OTC: variants seen among roughly 807,000 people sequenced by gnomAD.
OTC encodes ornithine transcarbamylase.
A neutral mutation model predicts 30.3 loss-of-function variants in OTC; 3 were observed. The observed-to-expected ratio is 0.10, with a 90% CI of 0.05 to 0.26. OTC has a LOEUF of 0.26. Ranked by LOEUF, OTC falls within the 10% of genes least tolerant of loss-of-function variation. The pLI, the probability that OTC is intolerant of heterozygous loss-of-function variation, is 1.00. For synonymous variants in OTC, 111 were observed against 99.7 expected (o/e 1.11, Z -0.67); for missense variants, 194 against 260.3 (o/e 0.75, Z 1.75).
intron 4 of OTC, among the ~76,000 whole-genome samples, chrX:38,394,611 A>G (rs1218627141): frequency 2.7e-5 from 3 of 111,110 alleles, no homozygotes; most frequent in East Asian, 2.8e-4. Flanking sequence ...ACAGATTTCT[A>G]TTACTACCCC....
chrX:38,337,464 C>G, the OTC span, among the ~76,000 whole-genome samples: 2 of 111,812 alleles, frequency 1.8e-5, no homozygotes, highest in African/African-American at 6.5e-5. Flanking sequence ...AGTCTCTAAT[C>G]TTGTTCCTTC....
chrX:38,406,968 C>T (rs1379922569), intron 6 of OTC, among the ~76,000 whole-genome samples: 1 of 112,678 alleles, frequency 8.9e-6, no homozygotes, highest in African/African-American at 3.2e-5. Context: ...TAAACCTAGA[C>T]ATGCCTGTCA....
chrX:38,421,092 A>C lies in OTC; in HGVS notation c.*10A>C. 1 of 1,151,544 alleles carries C rather than the reference A, an allele frequency of 8.7e-7. No individual in the cohort carries two copies. Among genetic ancestry groups the C allele is most frequent in the Admixed American group, 2.2e-5 (1 of 45,935 alleles). The allele number at this position is 1,151,544 out of a possible 1,213,427, so 94.9% of individuals were successfully genotyped here. A position where few individuals can be genotyped will look rare whatever the true frequency, so the allele number is the denominator to read the frequency against. Reference sequence around the variant, plus strand: ...GAAGCCTAAATTTTGATGTTGTGTTACTTGTCAAGAAAGAAGCAATGTTCT... The same window carrying C: ...GAAGCCTAAATTTTGATGTTGTGTTCCTTGTCAAGAAAGAAGCAATGTTCT... On this transcript the variant is annotated 3_prime_UTR_variant, in exon 10 of 10. Coordinates refer to ENST00000039007, the MANE Select transcript of OTC (RefSeq NM_000531.6).
intron 4 of OTC, among the ~76,000 whole-genome samples, chrX:38,399,844 A>AT (rs1313727877): frequency 1.8e-5 from 2 of 111,442 alleles, no homozygotes; most frequent in East Asian, 5.6e-4. Context: ...CCAATATCAC[A>AT]TTTTTTTAAA....
At chrX:38,420,440 T>C (rs188158287) in intron 9 of OTC, among the ~76,000 whole-genome samples, 2 of 111,217 alleles carry the variant, frequency 1.8e-5, no homozygotes, top group East Asian at 5.6e-4. Context: ...TTTCTGATAT[T>C]ATTATTGTCA....
intron 2 of OTC, 54 bp downstream of exon 2, chrX:38,367,483 G>A: frequency 9.4e-7 from 1 of 1,061,620 alleles, no homozygotes; most frequent in South Asian, 1.9e-5. Context: ...TTTTTTTAAA[G>A]GCAGCCTTCC....
At chrX:38,336,663 A>G in the OTC span, among the ~76,000 whole-genome samples, 1 of 110,929 alleles carries the variant, frequency 9.0e-6, no homozygotes, top group Non-Finnish European at 1.9e-5. Flanking sequence ...TTTCAGTCAT[A>G]GTCTCCAGAG....
intron 3 of OTC, among the ~76,000 whole-genome samples, chrX:38,373,269 AT>A (rs1431331751): frequency 4.5e-5 from 5 of 111,775 alleles, no homozygotes; most frequent in Non-Finnish European, 9.4e-5. Context: ...CATTTTGCCT[AT>A]TTTTGAACTT....
chrX:38,343,297 C>A, the OTC span, among the ~76,000 whole-genome samples: 1 of 111,777 alleles, frequency 8.9e-6, no homozygotes, highest in Non-Finnish European at 1.9e-5. Context: ...GAACTTTGAA[C>A]CTCTGTGATT....
chrX:38,350,721 T>G (rs1485769810), upstream of OTC, among the ~76,000 whole-genome samples: 1 of 111,591 alleles, frequency 9.0e-6, no homozygotes, highest in Non-Finnish European at 1.9e-5. Flanking sequence ...AGCTCCTGCA[T>G]CTGTAGCATT....
chrX:38,356,914 A>G (rs903291401), intron 1 of OTC, among the ~76,000 whole-genome samples: 1 of 111,686 alleles, frequency 9.0e-6, no homozygotes, highest in Non-Finnish European at 1.9e-5. Flanking sequence ...TTTGGAAAAC[A>G]TTTGTGAGTT....
intron 4 of OTC, among the ~76,000 whole-genome samples, chrX:38,398,094 CT>C (rs1231310770): frequency 2.7e-5 from 3 of 111,901 alleles, no homozygotes; most frequent in East Asian, 5.6e-4. Flanking sequence ...CTTTTGACTG[CT>C]TTGCTTCAGG....
intron 4 of OTC, 121 bp from the exon 5 acceptor site, chrX:38,401,154 G>A (rs1250685443): frequency 3.5e-6 from 2 of 565,972 alleles, no homozygotes; most frequent in African/African-American, 4.6e-5. Flanking sequence ...AATGTTGGTA[G>A]GTTTTCATGT....
At chrX:38,340,928 C>T in the OTC span, among the ~76,000 whole-genome samples, 1 of 110,391 alleles carries the variant, frequency 9.1e-6, no homozygotes, top group Non-Finnish European at 1.9e-5. Flanking sequence ...TTCTGAGTAG[C>T]TGGGATTACA....
intron 4 of OTC, among the ~76,000 whole-genome samples, chrX:38,392,511 G>A (rs1054107125): frequency 8.9e-6 from 1 of 112,047 alleles, no homozygotes; most frequent in Non-Finnish European, 1.9e-5. Flanking sequence ...GGTTGTCATT[G>A]TTTCCAGTGA....
At chrX:38,391,464 G>A (rs2068428609) in intron 4 of OTC, among the ~76,000 whole-genome samples, 1 of 111,470 alleles carries the variant, frequency 9.0e-6, no homozygotes, top group Non-Finnish European at 1.9e-5. Flanking sequence ...TAGTCTGACT[G>A]TTCTCATCAA....
the OTC span, among the ~76,000 whole-genome samples, chrX:38,343,511 A>C: frequency 8.9e-6 from 1 of 112,282 alleles, no homozygotes; most frequent in Admixed American, 9.4e-5. Context: ...TGCCTCTGAC[A>C]CAAGGTTGGG....
At chrX:38,331,266 T>G in the OTC span, among the ~76,000 whole-genome samples, 1 of 109,704 alleles carries the variant, frequency 9.1e-6, no homozygotes, top group African/African-American at 3.3e-5. Context: ...ATAGTATTTT[T>G]TTTTTGAGAC....
upstream of OTC, among the ~76,000 whole-genome samples, chrX:38,350,839 G>C (rs769871908): frequency 9.0e-6 from 1 of 111,203 alleles, no homozygotes; most frequent in African/African-American, 3.3e-5. Context: ...AATATGAGTT[G>C]TGTGTATGGC....
Sources: gnomAD v4.1 joint callset for allele counts (sites outside exome capture counted in the v4.1 genomes callset) on GRCh38, gnomAD v4.1.1 for gene constraint, MANE v1.5 for transcripts, NCBI Gene and HGNC (gene_info 2026-07-23, HGNC 2026-07-21) for gene names.